The following CC2D2A variants were observed in gnomAD, a reference collection of about 807,000 sequenced individuals.
CC2D2A encodes the protein coiled-coil and C2 domain-containing protein 2A.
CC2D2A carries 155 observed loss-of-function variants against 212.9 expected under a neutral mutation model. That is an observed-to-expected ratio of 0.73 (90% CI 0.64 to 0.83). The LOEUF (loss-of-function observed/expected upper bound fraction) is 0.83, where lower values mean the gene tolerates loss of function less well. CC2D2A is among the 40% of genes least tolerant of loss of function. The probability of loss-of-function intolerance (pLI) is 0.00; values close to 1 mark genes in which losing one functional copy is unlikely to be tolerated. For synonymous variants in CC2D2A, 667 were observed against 686.5 expected (o/e 0.97, Z 0.44); for missense variants, 1,856 against 1,956.2 (o/e 0.95, Z 0.97).
At chr4:15,552,625 A>T (rs1185628979) in intron 18 of CC2D2A, among the ~76,000 whole-genome samples, 3 of 152,140 alleles carry the variant, frequency 2.0e-5, no homozygotes, top group Non-Finnish European at 2.9e-5. Context: ...TTCTCTTAGT[A>T]TTGCTTCTCT....
At chr4:15,483,597 A>AT (rs1193074325) in intron 4 of CC2D2A, among the ~76,000 whole-genome samples, 1 of 152,126 alleles carries the variant, frequency 6.6e-6, no homozygotes, top group Non-Finnish European at 1.5e-5. Context: ...TACCACATTA[A>AT]TTTTTCTTTA....
chr4:15,476,047 G>A (rs1714192472), intron 2 of CC2D2A, 76 bp downstream of exon 2: 2 of 1,287,918 alleles, frequency 1.6e-6, no homozygotes, highest in African/African-American at 3.0e-5. Context: ...TGTGAATGAG[G>A]AAGTTAGGCC....
At chr4:15,471,389 G>A (rs1713804314) in intron 1 of CC2D2A, among the ~76,000 whole-genome samples, 1 of 136,114 alleles carries the variant, frequency 7.3e-6, no homozygotes, top group South Asian at 2.4e-4. Context: ...GCTGAAGGTG[G>A]GTGGGCTTGA....
intron 4 of CC2D2A, among the ~76,000 whole-genome samples, chr4:15,502,162 T>C (rs1236739193): frequency 6.6e-6 from 1 of 152,216 alleles, no homozygotes; most frequent in Non-Finnish European, 1.5e-5. Flanking sequence ...TAAGTCAAGA[T>C]GACAGTGCTA....
At chr4:15,490,356 T>A (rs943623975) in intron 4 of CC2D2A, among the ~76,000 whole-genome samples, 1 of 152,216 alleles carries the variant, frequency 6.6e-6, no homozygotes, top group African/African-American at 2.4e-5. Context: ...TGTAAGTGTG[T>A]CTTTTCTGAA....
At chr4:15,538,311 AT>A (rs899461248) in intron 16 of CC2D2A, among the ~76,000 whole-genome samples, 174 bp downstream of exon 16, 1 of 152,158 alleles carries the variant, frequency 6.6e-6, no homozygotes, top group Non-Finnish European at 1.5e-5. Flanking sequence ...AATTGCTGAC[AT>A]TTGCCCACTT....
chr4:15,560,694 A>ACCTT, intron 23 of CC2D2A, 72 bp downstream of exon 23: 1 of 673,532 alleles, frequency 1.5e-6, no homozygotes. Context: ...TATGAAAGGT[A>ACCTT]TCATATAAGA....
intron 31 of CC2D2A, among the ~76,000 whole-genome samples, 193 bp from the exon 32 acceptor site, chr4:15,587,623 G>C (rs1720909347): frequency 6.6e-6 from 1 of 152,084 alleles, no homozygotes. Flanking sequence ...ATCAATGTCA[G>C]AGAAAACACC....
intron 4 of CC2D2A, among the ~76,000 whole-genome samples, chr4:15,489,948 G>C (rs761361956): frequency 9.2e-5 from 14 of 152,066 alleles, no homozygotes; most frequent in Non-Finnish European, 1.8e-4. Context: ...GAGCACCCTA[G>C]GCTTAGTGCT....
In CC2D2A at chr4:15,569,108, G is replaced by GCT. The variant is rs1720036392; in HGVS notation, c.3399-182_3399-181dup. Among the ~76,000 whole-genome samples, 4 of 152,178 alleles carry GCT rather than the reference G, an allele frequency of 2.6e-5. No homozygotes were observed. In the South Asian group the frequency reaches 8.3e-4, roughly 31 times the overall value. On this transcript the variant is annotated intron_variant, in intron 26 of 36. Transcript: ENST00000424120. ...CTCTGCATAGAGTCTCTAATGTAAT[G>GCT]CTCTGTCCATTTGAATATAGGTATT...
chr4:15,515,934 C>A lies in CC2D2A; in HGVS notation c.947C>A (p.Thr316Asn). The change falls in exon 10 of 37, where the codon ACC (threonine) becomes AAC (asparagine). Residue 316 changes from threonine to asparagine, a missense_variant. Thr to Asn is a moderately conservative substitution (Grantham distance 65). Transcript: ENST00000424120. ...PRFLEDEGLY[T>N]GVRPEVARTN... Reference sequence around the variant, plus strand: ...TTCCTGGAAGATGAAGGCCTTTACACCGGGGTAAGACCAGAGGTGGCACGC... The same window carrying A: ...TTCCTGGAAGATGAAGGCCTTTACAACGGGGTAAGACCAGAGGTGGCACGC... 1.3e-6 allele frequency: 2 copies of A among 1,566,690 alleles called. No individual in the cohort carries two copies. The highest frequency in any genetic ancestry group is 1.7e-6 in the Non-Finnish European group (2 of 1,155,414).
intron 35 of CC2D2A, among the ~76,000 whole-genome samples, chr4:15,599,206 C>A (rs1461825823): frequency 6.6e-6 from 1 of 152,120 alleles, no homozygotes; most frequent in Non-Finnish European, 1.5e-5. Flanking sequence ...GTATTGAATT[C>A]AGCTATCCCC....
intron 4 of CC2D2A, among the ~76,000 whole-genome samples, chr4:15,482,508 C>A (rs575021654): frequency 6.6e-6 from 1 of 152,110 alleles, no homozygotes; most frequent in African/African-American, 2.4e-5. Flanking sequence ...GCTCACATGA[C>A]CTCTTCTCTG....
intron 29 of CC2D2A, among the ~76,000 whole-genome samples, chr4:15,577,736 G>A (rs1720475642): frequency 6.6e-6 from 1 of 151,886 alleles, no homozygotes; most frequent in Non-Finnish European, 1.5e-5. Flanking sequence ...TAACTTGGAA[G>A]GCCAATAATC....
intron 11 of CC2D2A, among the ~76,000 whole-genome samples, chr4:15,518,630 A>G (rs1338193189): frequency 6.6e-6 from 1 of 152,230 alleles, no homozygotes; most frequent in Non-Finnish European, 1.5e-5. Context: ...CCCCTGCAGC[A>G]AACTTCTGCC....
rs778148568 is a variant in CC2D2A, at chr4:15,502,534, G to A, written c.336+17G>A. ...GCAGCGAGGGTGAGAGAAACCACAT[G>A]AATATTCTGTTCAGTGCTGATTGCA... is the stretch of plus-strand genomic sequence containing the variant. On this transcript the variant is annotated intron_variant, in intron 5 of 36. Coordinates refer to ENST00000424120, the MANE Select transcript of CC2D2A (RefSeq NM_001378615.1). The A allele has an allele frequency of 2.3e-5, 37 of 1,587,136 alleles. No individual in the cohort carries two copies. The South Asian group carries it at 4.2e-4, about 18-fold the overall frequency.
chr4:15,515,152 T>C (rs1296239767), intron 9 of CC2D2A, among the ~76,000 whole-genome samples: 1 of 152,212 alleles, frequency 6.6e-6, no homozygotes, highest in Non-Finnish European at 1.5e-5. Flanking sequence ...AGAACAGCCT[T>C]TCTTTCTTCT....
At chr4:15,542,487 T>C (rs1317888051) in intron 17 of CC2D2A, among the ~76,000 whole-genome samples, 1 of 152,208 alleles carries the variant, frequency 6.6e-6, no homozygotes, top group Non-Finnish European at 1.5e-5. Context: ...GGTGCTATTT[T>C]TGTTGTGTTT....
intron 17 of CC2D2A, 35 bp downstream of exon 17, chr4:15,541,049 T>C (rs1718409297): frequency 2.0e-6 from 3 of 1,486,826 alleles, no homozygotes; most frequent in Non-Finnish European, 1.8e-6. Flanking sequence ...GGCCGGGCAC[T>C]GTGGCTCATG....
Sources: allele counts gnomAD v4.1 joint callset (sites outside exome capture counted in the v4.1 genomes callset), GRCh38; gene constraint gnomAD v4.1.1; transcripts MANE v1.5; gene names NCBI Gene and HGNC (gene_info 2026-07-23, HGNC 2026-07-21).